Variants in ITGB6 observed in about 807,000 individuals in gnomAD.
The protein encoded by ITGB6 is integrin subunit beta 6, also known as integrin beta-6.
In ITGB6, 80 loss-of-function variants were observed where a neutral mutation model predicts 84.5. The observed-to-expected ratio is 0.95, with a 90% confidence interval of 0.79 to 1.14. The LOEUF is 1.14. Ranked by LOEUF, ITGB6 falls within the 50% of genes most tolerant of loss-of-function variation. The pLI, the probability that ITGB6 is intolerant of heterozygous loss-of-function variation, is 0.00. For missense variants in ITGB6, 1,006 were observed against 968.0 expected, an observed-to-expected ratio of 1.04 and a Z score of -0.52; for synonymous variants, 383 against 354.9, an observed-to-expected ratio of 1.08 and a Z score of -0.89.
At chr2:160,107,369 C>T (rs2105773244) in intron 14 of ITGB6, among the ~76,000 whole-genome samples, 1 of 151,506 alleles carries the variant, frequency 6.6e-6, no homozygotes. Flanking sequence ...AGGGATACTC[C>T]TAGTGGTGAG....
At chr2:160,193,164 A>G (rs1686206397) in intron 4 of ITGB6, among the ~76,000 whole-genome samples, 1 of 152,238 alleles carries the variant, frequency 6.6e-6, no homozygotes, top group Non-Finnish European at 1.5e-5. Context: ...ATACATCTAT[A>G]CAAAGACTTC....
intron 7 of ITGB6, among the ~76,000 whole-genome samples, chr2:160,143,741 A>G (rs2105827253): frequency 6.6e-6 from 1 of 152,220 alleles, no homozygotes; most frequent in East Asian, 1.9e-4. Context: ...GCACAAAACT[A>G]TATTAGAATG....
At chr2:160,111,767 A>T (rs12987481) in intron 13 of ITGB6, among the ~76,000 whole-genome samples, 2 of 151,868 alleles carry the variant, frequency 1.3e-5, no homozygotes, top group Admixed American at 1.3e-4. Flanking sequence ...TTTAGTAGAG[A>T]CAGGGTTTCA....
chr2:160,119,133 A>C lies in ITGB6; in HGVS notation c.1981+4658T>G, dbSNP rs546178873. Among the ~76,000 whole-genome samples the C allele has an allele frequency of 1.4e-3, 208 of 152,322 alleles. 1 individual carries two copies. In the South Asian group the frequency reaches 0.019, roughly 14 times the overall value. On this transcript the variant is annotated intron_variant, in intron 12 of 14. Transcript: ENST00000283249. ...TCAGTGCCATCCCCCTCAAGCTACC[A>C]ATGACTTTCTTCACAGAATTGGAAA...
At chr2:160,168,096 G>A (rs770799751) in intron 7 of ITGB6, among the ~76,000 whole-genome samples, 48 of 152,194 alleles carry the variant, frequency 3.2e-4, no homozygotes, top group Admixed American at 5.9e-4. Context: ...TGGGCTCTGC[G>A]TAGAACACAG....
chr2:160,177,445 C>G (rs761660370), intron 4 of ITGB6, among the ~76,000 whole-genome samples: 2 of 151,860 alleles, frequency 1.3e-5, no homozygotes, highest in African/African-American at 4.8e-5. Flanking sequence ...GTGGTGGGTG[C>G]CTGTAGTCCC....
At chr2:160,182,608 G>T (rs1254116786) in intron 4 of ITGB6, among the ~76,000 whole-genome samples, 3 of 152,098 alleles carry the variant, frequency 2.0e-5, no homozygotes, top group Admixed American at 6.5e-5. Context: ...ACACAGCAAG[G>T]CAGGGCAACA....
At chr2:160,182,724 G>A (rs762918484) in intron 4 of ITGB6, among the ~76,000 whole-genome samples, 1 of 152,140 alleles carries the variant, frequency 6.6e-6, no homozygotes, top group Non-Finnish European at 1.5e-5. Flanking sequence ...AAGGAAAAAT[G>A]TTAAGGGCAA....
chr2:160,138,681 G>T (rs1189368540), intron 8 of ITGB6, among the ~76,000 whole-genome samples: 1 of 152,050 alleles, frequency 6.6e-6, no homozygotes, highest in African/African-American at 2.4e-5. Flanking sequence ...TTGTTGCTTT[G>T]CAAAGAATCC....
chr2:160,154,687 A>G (rs141171487), intron 7 of ITGB6, among the ~76,000 whole-genome samples: 11 of 152,196 alleles, frequency 7.2e-5, no homozygotes, highest in Non-Finnish European at 1.6e-4. Context: ...GATGTCCTTT[A>G]GTAGGTGAAT....
chr2:160,115,352 T>G (rs112372483), intron 12 of ITGB6, among the ~76,000 whole-genome samples: 119 of 152,340 alleles, frequency 7.8e-4, no homozygotes, highest in African/African-American at 2.8e-3. Flanking sequence ...TCCACTGTTC[T>G]ACAGCCACCA....
intron 1 of ITGB6, among the ~76,000 whole-genome samples, chr2:160,199,647 A>AT (rs2105902224): frequency 6.6e-6 from 1 of 152,338 alleles, no homozygotes; most frequent in Admixed American, 6.5e-5. Context: ...TTTGAAATAA[A>AT]TCCTCTTTCT....
chr2:160,132,694 T>A (rs1422242249), intron 10 of ITGB6, among the ~76,000 whole-genome samples: 2 of 152,166 alleles, frequency 1.3e-5, no homozygotes, highest in African/African-American at 4.8e-5. Flanking sequence ...ATATTTATAA[T>A]TCTTTTCTGA....
intron 4 of ITGB6, among the ~76,000 whole-genome samples, chr2:160,187,970 T>C (rs1365194210): frequency 6.6e-6 from 1 of 152,142 alleles, no homozygotes; most frequent in East Asian, 1.9e-4. Flanking sequence ...TAAGTGTTAA[T>C]GAGAGCGAGA....
intron 2 of ITGB6, 90 bp from the exon 3 acceptor site, chr2:160,196,510 C>A: frequency 9.1e-7 from 1 of 1,104,686 alleles, no homozygotes; most frequent in Non-Finnish European, 1.3e-6. Context: ...TTTTTCTGCA[C>A]AATTTGCTAG....
intron 2 of ITGB6, among the ~76,000 whole-genome samples, chr2:160,197,291 G>A (rs753595331): frequency 6.6e-5 from 10 of 151,618 alleles, no homozygotes; most frequent in East Asian, 1.9e-4. Flanking sequence ...GCAAGACTCC[G>A]TCTCAAAAAA....
intron 12 of ITGB6, among the ~76,000 whole-genome samples, chr2:160,114,681 C>T (rs1012089051): frequency 5.9e-5 from 9 of 152,128 alleles, no homozygotes; most frequent in South Asian, 2.1e-4. Flanking sequence ...GCGCACCGTG[C>T]GCGAGCCAAA....
At chr2:160,191,109 G>A (rs1277550262) in intron 4 of ITGB6, among the ~76,000 whole-genome samples, 1 of 152,180 alleles carries the variant, frequency 6.6e-6, no homozygotes, top group East Asian at 1.9e-4. Context: ...TTTTATGTTA[G>A]ATAGTTAAGA....
chr2:160,199,352 A>C, intron 1 of ITGB6, 94 bp from the exon 2 acceptor site: 1 of 907,008 alleles, frequency 1.1e-6, no homozygotes, highest in Non-Finnish European at 1.8e-6. Context: ...GAACAAAACA[A>C]CATCAAAGTT....
Sources: allele counts gnomAD v4.1 joint callset (sites outside exome capture counted in the v4.1 genomes callset), GRCh38; gene constraint gnomAD v4.1.1; transcripts MANE v1.5; gene names NCBI Gene and HGNC (gene_info 2026-07-23, HGNC 2026-07-21).